ARNT2: variants seen among roughly 807,000 people sequenced by gnomAD.
ARNT2 encodes ARNT protein 2.
Under a neutral mutation model 91.7 loss-of-function variants are expected in ARNT2, and 36 were observed. The observed-to-expected ratio is 0.39, with a 90% CI of 0.30 to 0.52. The LOEUF is 0.52. Ranked by LOEUF, ARNT2 falls within the 20% of genes least tolerant of loss-of-function variation. ARNT2 has a pLI of 0.72. For missense variants in ARNT2, 775 were observed against 939.3 expected (o/e 0.83, Z 2.29); for synonymous variants, 365 against 347.1 (o/e 1.05, Z -0.57).
chr15:80,480,495 G>C (rs1039351846), intron 5 of ARNT2, among the ~76,000 whole-genome samples: 1 of 152,112 alleles, frequency 6.6e-6, no homozygotes, highest in African/African-American at 2.4e-5. Flanking sequence ...CACTGCCCTG[G>C]GTGGGGACCG....
intron 1 of ARNT2, among the ~76,000 whole-genome samples, chr15:80,435,832 C>T (rs1374719392): frequency 6.6e-6 from 1 of 151,966 alleles, no homozygotes; most frequent in African/African-American, 2.4e-5. Context: ...TTTATTCATC[C>T]GTGTCAAAAA....
intron 5 of ARNT2, among the ~76,000 whole-genome samples, chr15:80,483,043 T>G (rs531845308): frequency 6.6e-6 from 1 of 152,218 alleles, no homozygotes; most frequent in African/African-American, 2.4e-5. Flanking sequence ...GTGAAATGTC[T>G]TATTATAGAA....
At chr15:80,582,913 C>T (rs1014010545) in intron 17 of ARNT2, among the ~76,000 whole-genome samples, 5 of 152,168 alleles carry the variant, frequency 3.3e-5, no homozygotes, top group Admixed American at 6.5e-5. Context: ...GTTCCCCACC[C>T]GGGTGTGGAG....
At chr15:80,491,514 C>G (rs535720108) in intron 5 of ARNT2, among the ~76,000 whole-genome samples, 3 of 152,264 alleles carry the variant, frequency 2.0e-5, no homozygotes, top group Admixed American at 2.0e-4. Flanking sequence ...ACAGCCAAGC[C>G]ATATCCCTTG....
At chr15:80,514,612 C>A (rs965207693) in intron 8 of ARNT2, among the ~76,000 whole-genome samples, 2 of 152,148 alleles carry the variant, frequency 1.3e-5, no homozygotes, top group Non-Finnish European at 2.9e-5. Context: ...TGCAACCAGA[C>A]GCAGTGGCTC....
chr15:80,538,922 G>A (rs1897863825), intron 8 of ARNT2, among the ~76,000 whole-genome samples: 1 of 152,034 alleles, frequency 6.6e-6, no homozygotes, highest in South Asian at 2.1e-4. Context: ...TGAACAAATA[G>A]TGTGCATAAC....
intron 12 of ARNT2, among the ~76,000 whole-genome samples, chr15:80,570,723 G>A (rs903664594): frequency 1.3e-5 from 2 of 151,992 alleles, no homozygotes; most frequent in African/African-American, 2.4e-5. Flanking sequence ...TCTTCCTGAG[G>A]CGTCATCTTA....
chr15:80,449,225 C>G (rs1341040553), intron 1 of ARNT2, among the ~76,000 whole-genome samples: 1 of 152,096 alleles, frequency 6.6e-6, no homozygotes, highest in African/African-American at 2.4e-5. Context: ...CTTATTTGAC[C>G]ATGGAACTCT....
At chr15:80,484,448 C>G (rs1307600608) in intron 5 of ARNT2, among the ~76,000 whole-genome samples, 1 of 152,172 alleles carries the variant, frequency 6.6e-6, no homozygotes, top group Non-Finnish European at 1.5e-5. Flanking sequence ...TTCACAGTGA[C>G]TTTCCCACTA....
chr15:80,466,173 C>A (rs1358241779), intron 3 of ARNT2, among the ~76,000 whole-genome samples: 1 of 152,238 alleles, frequency 6.6e-6, no homozygotes, highest in Non-Finnish European at 1.5e-5. Flanking sequence ...TTATTGAGAT[C>A]TTATAAAATT....
intron 1 of ARNT2, among the ~76,000 whole-genome samples, chr15:80,408,308 G>A (rs1895631317): frequency 1.3e-5 from 2 of 152,292 alleles, no homozygotes; most frequent in Middle Eastern, 3.4e-3. Context: ...ACTAGGGGAG[G>A]CATAGGTAGA....
At chr15:80,465,804 C>T (rs1324575760) in intron 3 of ARNT2, among the ~76,000 whole-genome samples, 1 of 152,206 alleles carries the variant, frequency 6.6e-6, no homozygotes, top group Non-Finnish European at 1.5e-5. Flanking sequence ...GTCCCATGTC[C>T]TAGGGTTCCT....
chr15:80,451,012 T>C lies in ARNT2; in HGVS notation c.146+18T>C. 1 of 1,606,432 alleles carries C rather than the reference T, an allele frequency of 6.2e-7. No homozygotes were observed. On this transcript the variant is annotated intron_variant, in intron 2 of 18. Transcript: ENST00000303329. ...CGTTCCGGGTAAGCGACCTCAGCGT[T>C]TCCAGGAATTGGCTTAATAAATGTT... is the stretch of plus-strand genomic sequence containing the variant.
chr15:80,541,144 A>G (rs192866512), intron 8 of ARNT2, among the ~76,000 whole-genome samples: 222 of 152,284 alleles, frequency 1.5e-3, no homozygotes, highest in African/African-American at 4.4e-3. Flanking sequence ...CAGCTTTGCC[A>G]GCATCTGTTG....
chr15:80,566,642 C>T (rs1898490025), intron 12 of ARNT2, among the ~76,000 whole-genome samples: 1 of 152,246 alleles, frequency 6.6e-6, no homozygotes, highest in African/African-American at 2.4e-5. Flanking sequence ...TAGCACCTTA[C>T]AGCCTGGCTT....
At chr15:80,549,032 G>C (rs1898036124) in intron 8 of ARNT2, among the ~76,000 whole-genome samples, 1 of 152,116 alleles carries the variant, frequency 6.6e-6, no homozygotes, top group African/African-American at 2.4e-5. Flanking sequence ...TATGGTACTA[G>C]TGCCTGAATA....
intron 8 of ARNT2, among the ~76,000 whole-genome samples, chr15:80,542,722 C>T (rs754819135): frequency 1.5e-4 from 23 of 152,126 alleles, no homozygotes; most frequent in Non-Finnish European, 3.4e-4. Context: ...TAGATGATCT[C>T]AAGTTTTAGC....
chr15:80,576,363 G>A (rs1373815592), intron 14 of ARNT2, among the ~76,000 whole-genome samples: 2 of 152,048 alleles, frequency 1.3e-5, no homozygotes, highest in East Asian at 1.9e-4. Flanking sequence ...TGCAGCCTCC[G>A]CCTCCTGGGC....
At chr15:80,467,538 C>T (rs1397708676) in intron 3 of ARNT2, among the ~76,000 whole-genome samples, 1 of 152,108 alleles carries the variant, frequency 6.6e-6, no homozygotes, top group African/African-American at 2.4e-5. Context: ...GGAGGAAAGC[C>T]GGTTCTCCAG....
Sources: allele counts gnomAD v4.1 joint callset (sites outside exome capture counted in the v4.1 genomes callset), GRCh38; gene constraint gnomAD v4.1.1; transcripts MANE v1.5; gene names NCBI Gene and HGNC (gene_info 2026-07-23, HGNC 2026-07-21).